The following LPCAT3 variants were observed in gnomAD, a reference collection of about 807,000 sequenced individuals.
LPCAT3 encodes the protein lysophospholipid acyltransferase 5.
Under a neutral mutation model 63.4 loss-of-function variants are expected in LPCAT3, and 21 were observed. The ratio of observed to expected loss-of-function variants is 0.33; its 90% CI spans 0.23 to 0.48. The LOEUF is 0.48. Among genes scored for constraint, LPCAT3 ranks in the 20% least tolerant of loss-of-function variants. The pLI is 0.99. For missense variants in LPCAT3, 451 were observed against 590.6 expected, an observed-to-expected ratio of 0.76 and a Z score of 2.45; for synonymous variants, 242 against 227.5, an observed-to-expected ratio of 1.06 and a Z score of -0.58.
At chr12:6,990,949 A>T (rs1160207888) in intron 1 of LPCAT3, among the ~76,000 whole-genome samples, 2 of 150,434 alleles carry the variant, frequency 1.3e-5, no homozygotes, top group Admixed American at 6.6e-5. Context: ...AAATAAAACT[A>T]AAAAAAAAGT....
intron 1 of LPCAT3, among the ~76,000 whole-genome samples, chr12:6,990,916 C>CA (rs59031613): frequency 0.25 from 16,841 of 68,022 alleles, 3,135 homozygotes; most frequent in African/African-American, 0.51. Flanking sequence ...GACTCCAAAT[C>CA]AAAAAAAAAA....
rs1851401591 is a variant in LPCAT3 at position 6,977,816 on chromosome 12, C to T, written c.1041-71G>A. On this transcript the variant is annotated intron_variant, in intron 9 of 12. Transcript: ENST00000261407. The surrounding 1 kb of genome is among the most constrained non-coding windows in gnomAD (Gnocchi z 4.5). ...TGCATCCCGCCACCTGCCTCTGGGT[C>T]CTCACCCTGAGGATTGGATTGGAGT... The T allele has an allele frequency of 7.7e-6, 12 of 1,566,304 alleles. No individual in the cohort carries two copies. The highest frequency in any genetic ancestry group is 3.5e-4 in the Middle Eastern group (2 of 5,668).
intron 6 of LPCAT3, 83 bp downstream of exon 6, chr12:6,980,921 G>C: frequency 7.3e-7 from 1 of 1,374,310 alleles, no homozygotes; most frequent in East Asian, 2.4e-5. Context: ...CCAGGGTCAT[G>C]CTGGAGAATG....
intron 1 of LPCAT3, among the ~76,000 whole-genome samples, chr12:6,995,255 C>A (rs1284927673): frequency 6.6e-6 from 1 of 152,048 alleles, no homozygotes; most frequent in Non-Finnish European, 1.5e-5. Context: ...GCAGGCGGAT[C>A]ACCAGGTCAA....
In LPCAT3 at chr12:6,978,621, G is replaced by T; in HGVS notation, c.855C>A (p.Val285=). 6.2e-7 allele frequency: 1 copy of T among 1,614,192 alleles called. No individual in the cohort carries two copies. The highest frequency in any genetic ancestry group is 1.1e-5 in the South Asian group (1 of 91,070). Residue 285 remains valine, a synonymous_variant, in exon 8 of 13, where the codon GTC becomes GTA. Coordinates refer to ENST00000261407, the MANE Select transcript of LPCAT3 (RefSeq NM_005768.6). The stretch of plus-strand genomic sequence containing the variant: ...TACTTACTGTGACCAGCCAACAGGT[G>T]ACATATTTGTACAGCACAAACTTGC... The part of the protein sequence containing the change: ...IWGKFVLYKY[V]TCWLVTEGVC...
chr12:6,986,000 C>G (rs2138337743), intron 1 of LPCAT3, among the ~76,000 whole-genome samples: 1 of 152,116 alleles, frequency 6.6e-6, no homozygotes, highest in South Asian at 2.1e-4. Context: ...GTCTCGAACT[C>G]CTGACCTCAG....
At chr12:6,978,170 T>G in intron 9 of LPCAT3, 171 bp downstream of exon 9, 3 of 724,334 alleles carry the variant, frequency 4.1e-6, no homozygotes, top group Non-Finnish European at 4.5e-6. Flanking sequence ...ATGACAGTAA[T>G]GGTTTTTTTG....
intron 1 of LPCAT3, among the ~76,000 whole-genome samples, chr12:6,989,395 C>T (rs1017546721): frequency 1.3e-5 from 2 of 150,866 alleles, no homozygotes; most frequent in Admixed American, 6.6e-5. Flanking sequence ...CTGCAAGCTC[C>T]GCCTCCCGGG....
chr12:6,979,245 G>A (rs1405988580), intron 7 of LPCAT3: 4 of 569,880 alleles, frequency 7.0e-6, no homozygotes, highest in African/African-American at 5.7e-5. Context: ...AAGGCAACGG[G>A]TGCTAAATGT....
chr12:7,007,340 C>A (rs782196407), intron 1 of LPCAT3, among the ~76,000 whole-genome samples: 23 of 151,164 alleles, frequency 1.5e-4, no homozygotes, highest in Admixed American at 4.6e-4. Context: ...TGTAAGCCAC[C>A]GCGCCTGGCC....
chr12:6,983,058 T>C (rs181348468), intron 2 of LPCAT3: 3 of 559,884 alleles, frequency 5.4e-6, no homozygotes, highest in Non-Finnish European at 1.0e-5. Context: ...CATAGCTCAC[T>C]GCAGCCTTGA....
At chr12:7,003,814 T>C (rs782279969) in intron 1 of LPCAT3, among the ~76,000 whole-genome samples, 4 of 149,818 alleles carry the variant, frequency 2.7e-5, no homozygotes, top group East Asian at 4.0e-4. Context: ...CCCAGCTACT[T>C]GGGAGGCTGA....
At chr12:7,000,219 C>T (rs1325125020) in intron 1 of LPCAT3, among the ~76,000 whole-genome samples, 3 of 151,848 alleles carry the variant, frequency 2.0e-5, no homozygotes, top group African/African-American at 7.3e-5. Context: ...CGCGCCTGGC[C>T]TACTTACATT....
rs751856947 is a variant in LPCAT3, at chr12:6,979,592, G to A, written c.678-13C>T. 14 of 1,554,944 alleles carry A rather than the reference G, an allele frequency of 9.0e-6. No homozygotes were observed. The highest frequency in any genetic ancestry group is 2.2e-5 in the East Asian group (1 of 44,610). ...AGCAGGAATGATGCTGGAAAGGAAC[G>A]AGTGAAGTTCCTGGTCACAGAGAGC... On this transcript the variant is annotated splice_polypyrimidine_tract_variant and intron_variant, in intron 6 of 12. Coordinates refer to ENST00000261407, the MANE Select transcript of LPCAT3 (RefSeq NM_005768.6).
intron 1 of LPCAT3, among the ~76,000 whole-genome samples, chr12:6,995,410 G>A (rs1459875914): frequency 6.6e-6 from 1 of 151,300 alleles, no homozygotes; most frequent in Non-Finnish European, 1.5e-5. Flanking sequence ...GGAGGCGGAG[G>A]TTGCAGTGAG....
chr12:7,018,227 T>C lies in LPCAT3; in HGVS notation c.151+47A>G. On this transcript the variant is annotated intron_variant, in intron 1 of 12. Coordinates refer to ENST00000261407, the MANE Select transcript of LPCAT3 (RefSeq NM_005768.6). The surrounding 1 kb of genome is among the most constrained non-coding windows in gnomAD (Gnocchi z 4.9). ...GGTCCTGTCCCCATTCCTCCCCTAC[T>C]CCCCGGGGACTCCGCGAGGGGCGGA... 6.4e-7 allele frequency: 1 copy of C among 1,562,600 alleles called. No individual in the cohort carries two copies. Among genetic ancestry groups the C allele is most frequent in the Non-Finnish European group, 8.7e-7 (1 of 1,152,820 alleles).
chr12:7,009,351 G>A (rs774295567), intron 1 of LPCAT3, among the ~76,000 whole-genome samples: 327 of 152,286 alleles, frequency 2.1e-3, no homozygotes, highest in Middle Eastern at 0.014. Flanking sequence ...GTGAGCCACC[G>A]CGCCTGGCCA....
chr12:7,017,479 C>T lies in LPCAT3; in HGVS notation c.151+795G>A, dbSNP rs1946803849. ...TGCCTTCAAAACCCATACTTTTTTC[C>T]ATTGTACTATGCTACCTCCATGTAT... On this transcript the variant is annotated intron_variant, in intron 1 of 12. Coordinates refer to ENST00000261407, the MANE Select transcript of LPCAT3 (RefSeq NM_005768.6). This position sits in a 1 kb window ranked among gnomAD's most constrained non-coding sequence, Gnocchi z 4.1. 6.6e-6 allele frequency among the ~76,000 whole-genome samples: 1 copy of T among 152,118 alleles called. No homozygotes were observed. The highest frequency in any genetic ancestry group is 2.4e-5 in the African/African-American group (1 of 41,416).
intron 1 of LPCAT3, among the ~76,000 whole-genome samples, chr12:7,008,305 C>T (rs1946740456): frequency 6.6e-6 from 1 of 152,022 alleles, no homozygotes; most frequent in Admixed American, 6.6e-5. Context: ...TCCAAGTGGG[C>T]CCTAAATCTC....
Sources: gnomAD v4.1 joint callset for allele counts (sites outside exome capture counted in the v4.1 genomes callset) on GRCh38, gnomAD v4.1.1 for gene constraint, Gnocchi (gnomAD v3.1) non-coding constraint, MANE v1.5 for transcripts, NCBI Gene and HGNC (gene_info 2026-07-23, HGNC 2026-07-21) for gene names.